The following SIPA1L2 variants were observed in gnomAD, a reference collection of about 807,000 sequenced individuals.
SIPA1L2 encodes signal induced proliferation associated 1 like 2.
A neutral mutation model predicts 163.9 loss-of-function variants in SIPA1L2; 56 were observed. The observed-to-expected ratio is 0.34, with a 90% CI of 0.28 to 0.43. SIPA1L2 has a LOEUF of 0.43. Ranked by LOEUF, SIPA1L2 falls within the 20% of genes least tolerant of loss-of-function variation. The pLI, the probability that SIPA1L2 is intolerant of heterozygous loss-of-function variation, is 1.00. For synonymous variants in SIPA1L2, 877 were observed against 865.7 expected, an observed-to-expected ratio of 1.01 and a Z score of -0.23; for missense variants, 1,974 against 2,193.5, an observed-to-expected ratio of 0.90 and a Z score of 2.00.
intron 21 of SIPA1L2, 196 bp from the exon 22 acceptor site, chr1:232,402,669 A>C (rs1206516265): frequency 2.2e-6 from 1 of 451,630 alleles, no homozygotes; most frequent in African/African-American, 2.0e-5. Context: ...TGATTTAAAA[A>C]GAGATGCAGA....
chr1:232,488,676 C>A (rs1314652015), intron 5 of SIPA1L2, among the ~76,000 whole-genome samples: 1 of 152,168 alleles, frequency 6.6e-6, no homozygotes, highest in Admixed American at 6.5e-5. Flanking sequence ...AAAGCAGAAT[C>A]CCATTTTCTA....
At chr1:232,436,011 G>A (rs374752035) in intron 15 of SIPA1L2, among the ~76,000 whole-genome samples, 9 of 152,178 alleles carry the variant, frequency 5.9e-5, no homozygotes, top group African/African-American at 1.7e-4. Flanking sequence ...CTATGGTGTC[G>A]GTTGTGAAAA....
chr1:232,444,248 A>C (rs1663074385), intron 11 of SIPA1L2, among the ~76,000 whole-genome samples: 1 of 152,134 alleles, frequency 6.6e-6, no homozygotes, highest in Non-Finnish European at 1.5e-5. Context: ...TTGCTACTAG[A>C]ATACTTCTGG....
At chr1:232,609,155 G>T (rs913057010) in intron 1 of SIPA1L2, among the ~76,000 whole-genome samples, 1 of 152,156 alleles carries the variant, frequency 6.6e-6, no homozygotes. Context: ...GACTAATTAA[G>T]ATCATTAGGA....
chr1:232,538,073 A>T (rs1198835594), intron 2 of SIPA1L2, among the ~76,000 whole-genome samples: 1 of 152,238 alleles, frequency 6.6e-6, no homozygotes, highest in Non-Finnish European at 1.5e-5. Context: ...TGCTAGGTTC[A>T]AATCCTCATT....
chr1:232,551,234 C>T (rs1203128794), intron 2 of SIPA1L2, among the ~76,000 whole-genome samples: 1 of 152,212 alleles, frequency 6.6e-6, no homozygotes, highest in East Asian at 1.9e-4. Context: ...CCACAAAACA[C>T]TGGTGTAGTC....
At chr1:232,546,739 G>A (rs758370390) in intron 2 of SIPA1L2, among the ~76,000 whole-genome samples, 2 of 152,176 alleles carry the variant, frequency 1.3e-5, no homozygotes, top group African/African-American at 4.8e-5. Flanking sequence ...AAACAAGTCT[G>A]GTAAAGGGAA....
intron 19 of SIPA1L2, among the ~76,000 whole-genome samples, chr1:232,406,051 G>A (rs1372653079): frequency 6.6e-6 from 1 of 152,200 alleles, no homozygotes; most frequent in Non-Finnish European, 1.5e-5. Context: ...TGAAAAGCTT[G>A]GGAGGCTGAA....
intron 2 of SIPA1L2, among the ~76,000 whole-genome samples, chr1:232,541,800 G>A (rs1657694959): frequency 1.3e-5 from 2 of 150,086 alleles, no homozygotes; most frequent in African/African-American, 4.9e-5. Flanking sequence ...CTTCACAAGA[G>A]TAGAGCACAT....
chr1:232,419,762 A>G lies in SIPA1L2; in HGVS notation c.4631-4137T>C, dbSNP rs369223230. Among the ~76,000 whole-genome samples the G allele has an allele frequency of 2.5e-4, 38 of 152,332 alleles. 1 individual carries two copies. The South Asian group carries it at 7.9e-3, about 32-fold the overall frequency. On this transcript the variant is annotated intron_variant, in intron 18 of 22. Transcript: ENST00000674635. Reference sequence around the variant, plus strand: ...AAATCTCTTTTCTTATAAATTACCCAGCCCCAGATATTTCTTTATAGCAAT... The same window carrying G: ...AAATCTCTTTTCTTATAAATTACCCGGCCCCAGATATTTCTTTATAGCAAT...
In SIPA1L2 at chr1:232,404,105, G is replaced by A. The variant is rs780229755; in HGVS notation, c.4816+20C>T. ...AGGTTACAGGATATCAGGAGCCAAC[G>A]AGCAGCCCCAGACAATCACCTAGAT... On this transcript the variant is annotated intron_variant, in intron 20 of 22. Coordinates refer to ENST00000674635, the MANE Select transcript of SIPA1L2 (RefSeq NM_020808.5). 1 of 1,613,876 alleles carries A rather than the reference G, an allele frequency of 6.2e-7. No homozygotes were observed. Among genetic ancestry groups the A allele is most frequent in the Non-Finnish European group, 8.5e-7 (1 of 1,179,802 alleles).
intron 2 of SIPA1L2, among the ~76,000 whole-genome samples, chr1:232,560,937 C>T (rs1235735375): frequency 6.6e-6 from 1 of 152,216 alleles, no homozygotes; most frequent in Non-Finnish European, 1.5e-5. Flanking sequence ...TGAGCTAGAA[C>T]TTTAGTAGAC....
At chr1:232,438,308 T>C (rs1463411208) in intron 15 of SIPA1L2, among the ~76,000 whole-genome samples, 1 of 152,148 alleles carries the variant, frequency 6.6e-6, no homozygotes, top group Non-Finnish European at 1.5e-5. Context: ...AGAGAGTAAC[T>C]TGGAGCTGAA....
chr1:232,493,548 C>T lies in SIPA1L2; in HGVS notation c.1596G>A (p.Arg532=), dbSNP rs1041651154. The change falls in exon 4 of 23, where the codon AGG becomes AGA. Residue 532 remains arginine (R), a synonymous_variant. Coordinates refer to ENST00000674635, the MANE Select transcript of SIPA1L2 (RefSeq NM_020808.5). ...KEKEGSQFNY[R]VAFRTSELTT... ...TTACCTCACTTGTCCTGAAAGCCACCCTGTAGTTGAACTGGGATCCTTCTT... is the reference window on the plus strand; with the variant it reads ...TTACCTCACTTGTCCTGAAAGCCACTCTGTAGTTGAACTGGGATCCTTCTT... The T allele has an allele frequency of 6.2e-7, 1 of 1,614,048 alleles. No homozygotes were observed. The highest frequency in any genetic ancestry group is 1.3e-5 in the African/African-American group (1 of 75,006).
At chr1:232,485,148 T>C (rs903825634) in intron 5 of SIPA1L2, among the ~76,000 whole-genome samples, 1 of 152,194 alleles carries the variant, frequency 6.6e-6, no homozygotes, top group East Asian at 1.9e-4. Context: ...TACCCATATA[T>C]TCTGAATGCA....
chr1:232,461,138 A>C lies in SIPA1L2; in HGVS notation c.2844T>G (p.Thr948=). The change falls in exon 10 of 23, where the codon ACT becomes ACG. Residue 948 remains threonine (T), a synonymous_variant. Coordinates refer to ENST00000674635, the MANE Select transcript of SIPA1L2 (RefSeq NM_020808.5). ...RLVIVTRGCE[T]VEMTLRRNGL... is the part of the protein sequence containing the mutation. ...CGTTCCTCCTCAGGGTCATTTCCAC[A>C]GTCTCGCAGCCTCTCGTCACTATCT... The C allele has an allele frequency of 6.2e-7, 1 of 1,614,248 alleles. No homozygotes were observed. Among genetic ancestry groups the C allele is most frequent in the Non-Finnish European group, 8.5e-7 (1 of 1,180,032 alleles).
chr1:232,540,240 G>A (rs769554850), intron 2 of SIPA1L2, among the ~76,000 whole-genome samples: 10 of 152,082 alleles, frequency 6.6e-5, no homozygotes, highest in South Asian at 2.1e-4. Flanking sequence ...GGAGGTGGAC[G>A]TTGCAGTGGG....
intron 1 of SIPA1L2, among the ~76,000 whole-genome samples, chr1:232,622,896 C>T (rs947648954): frequency 6.6e-6 from 1 of 152,226 alleles, no homozygotes; most frequent in South Asian, 2.1e-4. Context: ...AGTTCTTTTA[C>T]GTTCAACCCA....
chr1:232,537,918 A>G (rs1230697159), intron 2 of SIPA1L2, among the ~76,000 whole-genome samples: 2 of 152,242 alleles, frequency 1.3e-5, no homozygotes, highest in Non-Finnish European at 2.9e-5. Flanking sequence ...TATGATATTT[A>G]AGCTTGTCCA....
Sources: gnomAD v4.1 joint callset for allele counts (sites outside exome capture counted in the v4.1 genomes callset) on GRCh38, gnomAD v4.1.1 for gene constraint, MANE v1.5 for transcripts, NCBI Gene and HGNC (gene_info 2026-07-23, HGNC 2026-07-21) for gene names.